Variants in B4GALT2 observed in about 807,000 individuals in gnomAD.
B4GALT2 encodes beta-1,4-galactosyltransferase 2.
In B4GALT2, 18 loss-of-function variants were observed where a neutral mutation model predicts 33.2. The observed-to-expected ratio is 0.54, with a 90% CI of 0.38 to 0.80. The LOEUF (loss-of-function observed/expected upper bound fraction) is 0.80. Ranked by LOEUF, B4GALT2 falls within the 30% of genes least tolerant of loss-of-function variation. B4GALT2 has a pLI of 0.00. For synonymous variants in B4GALT2, 214 were observed against 217.6 expected (o/e 0.98, Z 0.15); for missense variants, 404 against 526.2 (o/e 0.77, Z 2.27).
intron 6 of B4GALT2, 40 bp from the exon 7 acceptor site, chr1:43,990,258 A>C (rs550721682): frequency 6.2e-7 from 1 of 1,604,826 alleles, no homozygotes; most frequent in African/African-American, 1.3e-5. Context: ...TTTAGTTTAC[A>C]GTTGTTAGCC....
In B4GALT2 at chr1:43,982,075, T is replaced by C. The variant is rs1297560080; in HGVS notation, c.549+151T>C. 7 of 774,240 alleles carry C rather than the reference T, an allele frequency of 9.0e-6. No individual in the cohort carries two copies. Among genetic ancestry groups the C allele is most frequent in the Non-Finnish European group, 1.4e-5 (7 of 484,682 alleles). The allele number at this position is 774,240 out of a possible 1,614,324, so 48.0% of individuals were successfully genotyped here. ...TGCACAGGAATGTGTACGCACAGTG[T>C]GTGCATGTGAATGTTGGCATGCACA... On this transcript the variant is annotated intron_variant, in intron 3 of 6. Coordinates refer to ENST00000372324, the MANE Select transcript of B4GALT2 (RefSeq NM_003780.5). This position sits in a 1 kb window ranked among gnomAD's most constrained non-coding sequence, Gnocchi z 4.3.
rs1337439506 is a variant in B4GALT2, at chr1:43,981,713, C to T, written c.338C>T (p.Thr113Ile). 7 of 1,612,130 alleles carry T rather than the reference C, an allele frequency of 4.3e-6. No individual in the cohort carries two copies. The highest frequency in any genetic ancestry group is 4.2e-6 in the Non-Finnish European group (5 of 1,179,276). The change falls in exon 3 of 7, where the codon ACC becomes ATC. Residue 113 changes from threonine (T) to isoleucine (I), a missense_variant. By Grantham distance (89) the Thr-to-Ile change is moderately conservative. Coordinates refer to ENST00000372324, the MANE Select transcript of B4GALT2 (RefSeq NM_003780.5). This position sits in a 1 kb window ranked among gnomAD's most constrained non-coding sequence, Gnocchi z 8.1. ...GTGGGCAGACTGCTGATCGAGTTCA[C>T]CTCACCCATGCCCCTGGAGCGGGTG... The part of the protein sequence containing the change: ...GLVGRLLIEF[T>I]SPMPLERVQR...
In B4GALT2 at chr1:43,990,580, C is replaced by A; in HGVS notation, c.*132C>A. 10 of 1,288,784 alleles carry A rather than the reference C, an allele frequency of 7.8e-6. No homozygotes were observed. Among genetic ancestry groups the A allele is most frequent in the East Asian group, 2.4e-5 (1 of 42,144 alleles). The allele number at this position is 1,288,784 out of a possible 1,614,324, so 79.8% of individuals were successfully genotyped here. A position where few individuals can be genotyped will look rare whatever the true frequency, so the allele number is the denominator to read the frequency against. ...CTGTTTTCCAAGGGTCTTCACTAGG[C>A]CCCCTAGCTACACCTGGAAGTTTCA... On this transcript the variant is annotated 3_prime_UTR_variant, in exon 7 of 7. Coordinates refer to ENST00000372324, the MANE Select transcript of B4GALT2 (RefSeq NM_003780.5).
chr1:43,985,443 A>C (rs78433362), intron 5 of B4GALT2, 43 bp downstream of exon 5: 9 of 404,252 alleles, frequency 2.2e-5, no homozygotes, highest in African/African-American at 2.0e-4. Flanking sequence ...TGGGGGGGGG[A>C]GGGGGGGTGC....
At position 43,990,743 on chromosome 1, in the gene B4GALT2, C is replaced by G; in HGVS notation, c.*295C>G. ...GGTCGGGCCAGCCCCTGCACTGCCTCGCAGAGTGGCCTGGGCTAGGTCACT... is the reference window on the plus strand; with the variant it reads ...GGTCGGGCCAGCCCCTGCACTGCCTGGCAGAGTGGCCTGGGCTAGGTCACT... On this transcript the variant is annotated 3_prime_UTR_variant, in exon 7 of 7. Coordinates refer to ENST00000372324, the MANE Select transcript of B4GALT2 (RefSeq NM_003780.5). 2.3e-6 allele frequency: 1 copy of G among 432,796 alleles called. No homozygotes were observed. 26.8% of individuals were successfully genotyped at this position (432,796 alleles called of 1,614,324 possible).
rs2085629773 is a variant in B4GALT2 at position 43,984,040 on chromosome 1, A to G, written c.550-825A>G. ...AGGTTGGGGCAGGGGCTCAGGGGTCAGCGCCTCCCACTGAATGCTCCCTGC... is the reference window on the plus strand; with the variant it reads ...AGGTTGGGGCAGGGGCTCAGGGGTCGGCGCCTCCCACTGAATGCTCCCTGC... On this transcript the variant is annotated intron_variant, in intron 3 of 6. Transcript: ENST00000372324. The surrounding 1 kb of genome is among the most constrained non-coding windows in gnomAD (Gnocchi z 5.6). Among the ~76,000 whole-genome samples, 1 of 152,220 alleles carries G rather than the reference A, an allele frequency of 6.6e-6. No individual in the cohort carries two copies. Among genetic ancestry groups the G allele is most frequent in the Non-Finnish European group, 1.5e-5 (1 of 68,042 alleles).
At chr1:43,989,571 C>T (rs1301712976) in intron 6 of B4GALT2, among the ~76,000 whole-genome samples, 1 of 152,164 alleles carries the variant, frequency 6.6e-6, no homozygotes, top group African/African-American at 2.4e-5. Flanking sequence ...GCATATCGAA[C>T]AAACATGCAT....
Position 43,990,325 on chromosome 1 carries a change from G to C in B4GALT2, c.996G>C (p.Leu332=). 1 of 1,614,206 alleles carries C rather than the reference G, an allele frequency of 6.2e-7. No individual in the cohort carries two copies. Among genetic ancestry groups the C allele is most frequent in the Non-Finnish European group, 8.5e-7 (1 of 1,180,036 alleles). The change falls in exon 7 of 7, where the codon CTG becomes CTC. Residue 332 remains leucine (L), a synonymous_variant. Coordinates refer to ENST00000372324, the MANE Select transcript of B4GALT2 (RefSeq NM_003780.5). Reference sequence around the variant, plus strand: ...TTACCAAGATTCAAAACACGAAGCTGACCATGAAGCGGGACGGCATTGGGT... The same window carrying C: ...TTACCAAGATTCAAAACACGAAGCTCACCATGAAGCGGGACGGCATTGGGT... ...QRFTKIQNTK[L]TMKRDGIGSV...
chr1:43,986,695 T>C (rs1294575608), intron 6 of B4GALT2, among the ~76,000 whole-genome samples: 1 of 152,212 alleles, frequency 6.6e-6, no homozygotes, highest in Non-Finnish European at 1.5e-5. Context: ...GGGTCTTGAA[T>C]ACCTGATGGG....
chr1:43,984,377 C>T lies in B4GALT2; in HGVS notation c.550-488C>T, dbSNP rs1014228488. Among the ~76,000 whole-genome samples the T allele has an allele frequency of 3.3e-5, 5 of 152,250 alleles. No individual in the cohort carries two copies. Among genetic ancestry groups the T allele is most frequent in the African/African-American group, 1.2e-4 (5 of 41,464 alleles). On this transcript the variant is annotated intron_variant, in intron 3 of 6. Coordinates refer to ENST00000372324, the MANE Select transcript of B4GALT2 (RefSeq NM_003780.5). This position sits in a 1 kb window ranked among gnomAD's most constrained non-coding sequence, Gnocchi z 5.6. ...GACCAGGGCTGGCCATCTCCAGAATCCCCGCTAGCACAAAGGAGAGAGCGC... is the reference window on the plus strand; with the variant it reads ...GACCAGGGCTGGCCATCTCCAGAATTCCCGCTAGCACAAAGGAGAGAGCGC...
chr1:43,989,742 T>C (rs987880678), intron 6 of B4GALT2, among the ~76,000 whole-genome samples: 1 of 152,252 alleles, frequency 6.6e-6, no homozygotes, highest in Non-Finnish European at 1.5e-5. Context: ...AGAAAGTTAC[T>C]GAGATCAGTC....
chr1:43,981,279 C>T lies in B4GALT2; in HGVS notation c.119C>T (p.Ala40Val), dbSNP rs1461925652. ...TTTGACGTCTACGCCCAGCACCTGG[C>T]CTTCTTCAGCCGCTTCAGTGCCCGA... ...LYFDVYAQHL[A>V]FFSRFSARGP... is the part of the protein sequence containing the mutation. Residue 40 changes from alanine to valine, a missense_variant, in exon 2 of 7, where the codon GCC becomes GTC. Coordinates refer to ENST00000372324, the MANE Select transcript of B4GALT2 (RefSeq NM_003780.5). This position sits in a 1 kb window ranked among gnomAD's most constrained non-coding sequence, Gnocchi z 8.1. The T allele has an allele frequency of 3.7e-6, 6 of 1,606,374 alleles. No individual in the cohort carries two copies. The South Asian group carries it at 6.6e-5, about 18-fold the overall frequency.
rs7555 is a variant in B4GALT2, at chr1:43,991,070, C to T, written c.*622C>T. 20,732 of 157,512 alleles carry T rather than the reference C, an allele frequency of 0.13. 1,920 individuals carry two copies. Among genetic ancestry groups the T allele is most frequent in the African/African-American group, 0.26 (10,644 of 41,510 alleles). 9.8% of individuals were successfully genotyped at this position (157,512 alleles called of 1,614,324 possible). A position where few individuals can be genotyped will look rare whatever the true frequency, so the allele number is the denominator to read the frequency against. ...TTGGATCAGTAAGTCTGGTTCCCGC[C>T]TCCCTGTCTGAGAGAGGAGGCAGGA... On this transcript the variant is annotated 3_prime_UTR_variant, in exon 7 of 7. Coordinates refer to ENST00000372324, the MANE Select transcript of B4GALT2 (RefSeq NM_003780.5).
At chr1:43,987,008 G>A (rs1400444059) in intron 6 of B4GALT2, among the ~76,000 whole-genome samples, 1 of 152,108 alleles carries the variant, frequency 6.6e-6, no homozygotes, top group Non-Finnish European at 1.5e-5. Flanking sequence ...CCTGGTGTGG[G>A]GTTGGTGCCT....
chr1:43,984,686 A>G lies in B4GALT2; in HGVS notation c.550-179A>G, dbSNP rs2085635652. On this transcript the variant is annotated intron_variant, in intron 3 of 6. Coordinates refer to ENST00000372324, the MANE Select transcript of B4GALT2 (RefSeq NM_003780.5). The surrounding 1 kb of genome is among the most constrained non-coding windows in gnomAD (Gnocchi z 5.6). ...TGGCCAGAGAGGAGGCTGGAGCCAC[A>G]TATGAAAGGCCTTTGTAGGCCAGAT... is the stretch of plus-strand genomic sequence containing the variant. Among the ~76,000 whole-genome samples the G allele has an allele frequency of 6.6e-6, 1 of 152,172 alleles. No homozygotes were observed. The highest frequency in any genetic ancestry group is 1.5e-5 in the Non-Finnish European group (1 of 68,020).
At position 43,981,825 on chromosome 1, in the gene B4GALT2, C is replaced by T. The variant is rs545429135; in HGVS notation, c.450C>T (p.Pro150=). The T allele has an allele frequency of 1.2e-4, 189 of 1,613,962 alleles. 2 individuals are homozygous for T. The South Asian group carries it at 1.9e-3, about 16-fold the overall frequency. The change falls in exon 3 of 7, where the codon CCC becomes CCT. Residue 150 remains proline (P), a synonymous_variant. Coordinates refer to ENST00000372324, the MANE Select transcript of B4GALT2 (RefSeq NM_003780.5). The surrounding 1 kb of genome is among the most constrained non-coding windows in gnomAD (Gnocchi z 8.1). ...CCCAGACGGTGGCGGTCATCATCCC[C>T]TTTAGACACCGGGAACACCACCTGC... ...TPAQTVAVII[P]FRHREHHLRY... is the part of the protein sequence containing the mutation.
rs1294323267 is a variant in B4GALT2, at chr1:43,981,584, A to G, written c.314-105A>G. ...GCCAGGGGTCCAGGTCTGTTGTAAG[A>G]GGGCTATTCTTGGGGTTCCCTAGCC... On this transcript the variant is annotated intron_variant, in intron 2 of 6. Coordinates refer to ENST00000372324, the MANE Select transcript of B4GALT2 (RefSeq NM_003780.5). The surrounding 1 kb of genome is among the most constrained non-coding windows in gnomAD (Gnocchi z 8.1). 3 of 1,529,712 alleles carry G rather than the reference A, an allele frequency of 2.0e-6. No homozygotes were observed. Among genetic ancestry groups the G allele is most frequent in the Non-Finnish European group, 1.8e-6 (2 of 1,137,300 alleles). The allele number at this position is 1,529,712 out of a possible 1,614,324, so 94.8% of individuals were successfully genotyped here. A position where few individuals can be genotyped will look rare whatever the true frequency, so the allele number is the denominator to read the frequency against.
At chr1:43,989,295 G>A (rs1052607101) in intron 6 of B4GALT2, among the ~76,000 whole-genome samples, 11 of 143,572 alleles carry the variant, frequency 7.7e-5, no homozygotes, top group Non-Finnish European at 1.2e-4. Context: ...GCAGTGAGCC[G>A]AGGTGGTGCC....
intron 1 of B4GALT2, chr1:43,980,195 C>A: frequency 1.2e-6 from 1 of 864,378 alleles, no homozygotes; most frequent in Non-Finnish European, 1.6e-6. Flanking sequence ...TGAAGCACTG[C>A]CAGAAGTGGC....
Sources: gnomAD v4.1 joint callset for allele counts (sites outside exome capture counted in the v4.1 genomes callset) on GRCh38, gnomAD v4.1.1 for gene constraint, Gnocchi (gnomAD v3.1) non-coding constraint, MANE v1.5 for transcripts, NCBI Gene and HGNC (gene_info 2026-07-23, HGNC 2026-07-21) for gene names.